ANK3: variants seen among roughly 807,000 people sequenced by gnomAD.
The protein encoded by ANK3 is ankyrin-3.
ANK3 carries 57 observed loss-of-function variants against 370.9 expected under a neutral mutation model. The ratio of observed to expected loss-of-function variants is 0.15; its 90% CI spans 0.12 to 0.19. ANK3 has a LOEUF of 0.19. ANK3 is among the 10% of genes least tolerant of loss of function. The probability of loss-of-function intolerance (pLI) is 1.00; values close to 1 mark genes in which losing one functional copy is unlikely to be tolerated. For synonymous variants in ANK3, 1,929 were observed against 1,946.3 expected (o/e 0.99, Z 0.23); for missense variants, 4,439 against 5,302.1 (o/e 0.84, Z 5.06).
chr10:60,271,670 T>G (rs1398383071), intron 4 of ANK3, among the ~76,000 whole-genome samples: 1 of 152,150 alleles, frequency 6.6e-6, no homozygotes, highest in Non-Finnish European at 1.5e-5. Flanking sequence ...AAGTTTAGGT[T>G]CATTATTATA....
At chr10:60,655,894 G>A (rs1328635240) in intron 1 of ANK3, among the ~76,000 whole-genome samples, 2 of 152,122 alleles carry the variant, frequency 1.3e-5, no homozygotes, top group African/African-American at 2.4e-5. Flanking sequence ...ACTTAGCATC[G>A]TGTTACAATT....
intron 1 of ANK3, among the ~76,000 whole-genome samples, chr10:60,634,611 C>T (rs7093573): frequency 6.6e-6 from 1 of 151,912 alleles, no homozygotes; most frequent in Non-Finnish European, 1.5e-5. Flanking sequence ...AGCAGGCCAC[C>T]GGAGCCAGCA....
At chr10:60,458,517 G>T (rs1337117780) in intron 2 of ANK3, among the ~76,000 whole-genome samples, 1 of 152,148 alleles carries the variant, frequency 6.6e-6, no homozygotes, top group Non-Finnish European at 1.5e-5. Context: ...ATGGTTGTAT[G>T]TAGTAACAGC....
chr10:60,144,887 G>A (rs368377380), intron 23 of ANK3, among the ~76,000 whole-genome samples: 1 of 151,960 alleles, frequency 6.6e-6, no homozygotes, highest in African/African-American at 2.4e-5. Context: ...TTTTCATGTC[G>A]AATAAAGGAA....
At chr10:60,684,229 AG>A (rs754874777) in intron 1 of ANK3, among the ~76,000 whole-genome samples, 15 of 152,160 alleles carry the variant, frequency 9.9e-5, no homozygotes, top group Non-Finnish European at 1.8e-4. Flanking sequence ...GCGCGCAGGC[AG>A]GGGGTGGGGT....
intron 33 of ANK3, among the ~76,000 whole-genome samples, chr10:60,083,015 GT>G (rs535379074): frequency 5.3e-5 from 8 of 151,198 alleles, no homozygotes; most frequent in Admixed American, 1.3e-4. Context: ...CCTTCTAACA[GT>G]TTTTTTTTCT....
intron 23 of ANK3, among the ~76,000 whole-genome samples, chr10:60,163,906 T>C (rs1218108684): frequency 6.6e-6 from 1 of 152,196 alleles, no homozygotes; most frequent in Non-Finnish European, 1.5e-5. Flanking sequence ...TGTGATGATC[T>C]CTCACTAGTT....
intron 1 of ANK3, among the ~76,000 whole-genome samples, chr10:60,729,323 C>G (rs2079987903): frequency 6.6e-6 from 1 of 152,170 alleles, no homozygotes; most frequent in South Asian, 2.1e-4. Context: ...AGCATATCCT[C>G]AGCATGAAGC....
chr10:60,363,984 T>G (rs1217476053), intron 1 of ANK3, among the ~76,000 whole-genome samples: 2 of 151,622 alleles, frequency 1.3e-5, no homozygotes, highest in East Asian at 1.9e-4. Context: ...TTTTTTTTTT[T>G]TTTTTTTTTT....
At chr10:60,258,762 A>T (rs982860510) in intron 7 of ANK3, among the ~76,000 whole-genome samples, 1 of 152,108 alleles carries the variant, frequency 6.6e-6, no homozygotes, top group African/African-American at 2.4e-5. Context: ...GAACTGCAAG[A>T]CTTTATCTGT....
intron 2 of ANK3, among the ~76,000 whole-genome samples, chr10:60,595,378 G>T (rs111443011): frequency 3.3e-5 from 5 of 152,196 alleles, no homozygotes; most frequent in African/African-American, 9.6e-5. Context: ...AATGCTGATT[G>T]GTTATGTTGA....
chr10:60,472,283 C>T lies in ANK3; in HGVS notation c.96+142903G>A, dbSNP rs115389007. Reference sequence around the variant, plus strand: ...CACTTTGGTATCAATAGTCCTCATGCTATTATTTGAGACTAACTCAAGGTC... The same window carrying T: ...CACTTTGGTATCAATAGTCCTCATGTTATTATTTGAGACTAACTCAAGGTC... On this transcript the variant is annotated intron_variant, in intron 2 of 43. Coordinates refer to the ANK3 transcript ENST00000373827. 7.2e-3 allele frequency among the ~76,000 whole-genome samples: 1,091 copies of T among 152,208 alleles called. 14 individuals are homozygous for T. The highest frequency in any genetic ancestry group is 0.025 in the African/African-American group (1,039 of 41,534).
In ANK3 at chr10:60,070,633, A is replaced by G. The variant is rs777263562; in HGVS notation, c.10248T>C (p.Asp3416=). ...CATCTTCATCTTGCAGGTCATAGCC[A>G]TCCAGAGAGTCGATCTCTGTGGCAT... ...DTDATEIDSL[D]GYDLQDEDDG... Residue 3416 remains aspartate (D), a synonymous_variant, in exon 37 of 44, where the codon GAT becomes GAC. Transcript: ENST00000280772. This position sits in a 1 kb window ranked among gnomAD's most constrained non-coding sequence, Gnocchi z 5.7. 13 of 1,614,030 alleles carry G rather than the reference A, an allele frequency of 8.1e-6. No individual in the cohort carries two copies. Among genetic ancestry groups the G allele is most frequent in the Non-Finnish European group, 1.1e-5 (13 of 1,180,036 alleles).
chr10:60,227,384 T>TTGTGTGATATGACTC (rs1565829978), intron 8 of ANK3, among the ~76,000 whole-genome samples: 1 of 152,064 alleles, frequency 6.6e-6, no homozygotes, highest in East Asian at 1.9e-4. Flanking sequence ...TTTTGACTCT[T>TTGTGTGATATGACTC]TGTGTGATAT....
chr10:60,421,372 G>A (rs548871904), intron 2 of ANK3, among the ~76,000 whole-genome samples: 14 of 152,006 alleles, frequency 9.2e-5, no homozygotes, highest in Non-Finnish European at 1.6e-4. Flanking sequence ...AGAAAAAAGG[G>A]AAAGTCTTAA....
chr10:60,472,856 A>G (rs1171645424), intron 2 of ANK3, among the ~76,000 whole-genome samples: 1 of 152,196 alleles, frequency 6.6e-6, no homozygotes, highest in African/African-American at 2.4e-5. Flanking sequence ...AAACTTATAC[A>G]ACATTTGTAA....
At chr10:60,109,506 C>T (rs1024750644) in intron 26 of ANK3, among the ~76,000 whole-genome samples, 1 of 152,118 alleles carries the variant, frequency 6.6e-6, no homozygotes, top group South Asian at 2.1e-4. Flanking sequence ...ATATTTACGA[C>T]TCATAAAATA....
At chr10:60,469,069 A>G (rs1236707234) in intron 2 of ANK3, among the ~76,000 whole-genome samples, 11 of 704 alleles carry the variant, frequency 0.016, 2 homozygotes, top group African/African-American at 0.031. Flanking sequence ...CTTTTAGTAT[A>G]TATATATATA....
intron 8 of ANK3, among the ~76,000 whole-genome samples, chr10:60,214,088 T>A (rs953938287): frequency 6.6e-6 from 1 of 152,064 alleles, no homozygotes; most frequent in African/African-American, 2.4e-5. Flanking sequence ...ATATAACCAA[T>A]CAAAACAGCA....
Sources: allele counts gnomAD v4.1 joint callset (sites outside exome capture counted in the v4.1 genomes callset), GRCh38; gene constraint gnomAD v4.1.1; non-coding constraint Gnocchi (gnomAD v3.1); transcripts MANE v1.5; gene names NCBI Gene and HGNC (gene_info 2026-07-23, HGNC 2026-07-21).